SETD7: variants seen among roughly 807,000 people sequenced by gnomAD.
SETD7 encodes histone-lysine N-methyltransferase SETD7.
A neutral mutation model predicts 41.8 loss-of-function variants in SETD7; 16 were observed. That is an observed-to-expected ratio of 0.38 (90% confidence interval 0.26 to 0.58). The LOEUF is 0.58. SETD7 is among the 20% of genes least tolerant of loss of function. SETD7 has a pLI of 0.64. For missense variants in SETD7, 346 were observed against 459.7 expected (o/e 0.75, Z 2.26); for synonymous variants, 163 against 169.7 (o/e 0.96, Z 0.31).
At chr4:139,544,668 C>T (rs1247575499) in intron 2 of SETD7, among the ~76,000 whole-genome samples, 1 of 152,118 alleles carries the variant, frequency 6.6e-6, no homozygotes, top group African/African-American at 2.4e-5. Flanking sequence ...TTAGTCTAGC[C>T]CATCAGTACT....
chr4:139,502,615 C>T (rs114694048), downstream of SETD7, among the ~76,000 whole-genome samples: 314 of 152,272 alleles, frequency 2.1e-3, no homozygotes, highest in Non-Finnish European at 3.1e-3. Flanking sequence ...TAGTCGAAAG[C>T]CCAGCGTCAC....
Position 139,511,835 on chromosome 4 carries a change from T to A in SETD7, c.929A>T (p.His310Leu). ...TPNCIYDMFV[H>L]PRFGPIKCIR... ...GCATTTGATGGGCCCAAAACGGGGG[T>A]GGACAAACCTAAACATCAAGATGCA... The change falls in exon 8 of 8, where the codon CAC becomes CTC. Residue 310 changes from histidine to leucine, a missense_variant. His to Leu is a moderately conservative substitution (Grantham distance 99). This residue lies in a region of SETD7 where 75 missense variants were observed against 65.5 expected (regional missense o/e 1.14). Transcript: ENST00000274031. The A allele has an allele frequency of 6.2e-7, 1 of 1,611,280 alleles. No homozygotes were observed. Among genetic ancestry groups the A allele is most frequent in the Non-Finnish European group, 8.5e-7 (1 of 1,178,906 alleles).
chr4:139,511,720 T>C lies in SETD7; in HGVS notation c.1044A>G (p.Glu348=), dbSNP rs1455632271. Residue 348 remains glutamate, a synonymous_variant, in exon 8 of 8, where the codon GAA becomes GAG. Coordinates refer to ENST00000274031, the MANE Select transcript of SETD7 (RefSeq NM_030648.4). ...DHSPPGKSGP[E]APEWYQVELK... ...GCTCCACCTGGTACCACTCAGGGGC[T>C]TCAGGCCCACTCTTCCCGGGGGGGC... 1 of 1,614,162 alleles carries C rather than the reference T, an allele frequency of 6.2e-7. No homozygotes were observed.
downstream of SETD7, among the ~76,000 whole-genome samples, chr4:139,504,804 G>T (rs1726662363): frequency 6.6e-6 from 1 of 151,862 alleles, no homozygotes. Flanking sequence ...ACAACATTTG[G>T]GCCCAAATCA....
chr4:139,501,939 G>A (rs929654339), downstream of SETD7, among the ~76,000 whole-genome samples: 1 of 152,214 alleles, frequency 6.6e-6, no homozygotes, highest in Admixed American at 6.5e-5. Flanking sequence ...TGGAAAGGTG[G>A]CATCCCAGAG....
downstream of SETD7, among the ~76,000 whole-genome samples, chr4:139,502,378 T>C (rs1726599110): frequency 6.6e-6 from 1 of 152,164 alleles, no homozygotes; most frequent in Admixed American, 6.6e-5. Flanking sequence ...AGGAGAATGT[T>C]GCAGTTTAAG....
At chr4:139,502,202 G>T (rs1385193383), downstream of SETD7, among the ~76,000 whole-genome samples, 1 of 152,132 alleles carries the variant, frequency 6.6e-6, no homozygotes, top group Non-Finnish European at 1.5e-5. Context: ...CAAATGTTAA[G>T]GATATGTTAG....
exon 8 of SETD7, chr4:139,496,450 A>G (rs754826740): frequency 1.4e-5 from 10 of 702,472 alleles, no homozygotes; most frequent in South Asian, 1.3e-4. Flanking sequence ...CGCTTGATCC[A>G]GATGTGGGAT....
At chr4:139,542,554 C>A (rs2646040) in intron 2 of SETD7, among the ~76,000 whole-genome samples, 2 of 151,802 alleles carry the variant, frequency 1.3e-5, no homozygotes, top group South Asian at 4.2e-4. Context: ...TTTAAAAATG[C>A]CTATTTCTAT....
chr4:139,546,823 G>A (rs900499766), intron 2 of SETD7, 97 bp downstream of exon 2: 10 of 1,530,734 alleles, frequency 6.5e-6, no homozygotes, highest in Middle Eastern at 1.7e-4. Flanking sequence ...TGAATAAATT[G>A]TAGAAAAACT....
chr4:139,525,379 T>A (rs1727299396), intron 4 of SETD7, among the ~76,000 whole-genome samples: 1 of 152,248 alleles, frequency 6.6e-6, no homozygotes, highest in Non-Finnish European at 1.5e-5. Flanking sequence ...TGCAGGCACA[T>A]CCTTTACTTT....
Position 139,509,982 on chromosome 4 carries a change from G to C in SETD7, c.*1681C>G, listed in dbSNP as rs760053687. On this transcript the variant is annotated 3_prime_UTR_variant, in exon 8 of 8. Transcript: ENST00000274031. ...AGCCTGGTGTTGCAAAGAAGGGAAGGGCAACTCTGTCAATGTGCCCAAGGG... is the reference window on the plus strand; with the variant it reads ...AGCCTGGTGTTGCAAAGAAGGGAAGCGCAACTCTGTCAATGTGCCCAAGGG... 18 of 707,426 alleles carry C rather than the reference G, an allele frequency of 2.5e-5. No homozygotes were observed. Among genetic ancestry groups the C allele is most frequent in the Non-Finnish European group, 3.1e-5 (18 of 576,230 alleles). The allele number at this position is 707,426 out of a possible 1,614,324, so 43.8% of individuals were successfully genotyped here.
At position 139,555,184 on chromosome 4, in the gene SETD7, A is replaced by G. The variant is rs1201636393; in HGVS notation, c.40+914T>C. Among the ~76,000 whole-genome samples, 6 of 99,838 alleles carry G rather than the reference A, an allele frequency of 6.0e-5. No homozygotes were observed. The highest frequency in any genetic ancestry group is 5.6e-4 in the East Asian group (2 of 3,596). The allele number at this position is 99,838 out of a possible 152,430, so 65.5% of individuals were successfully genotyped here. A position where few individuals can be genotyped will look rare whatever the true frequency, so the allele number is the denominator to read the frequency against. On this transcript the variant is annotated intron_variant, in intron 1 of 7. Transcript: ENST00000274031. This position sits in a 1 kb window ranked among gnomAD's most constrained non-coding sequence, Gnocchi z 4.0. ...CCACATCGTTTTTTCAGAACTAACA[A>G]AAAAAAAAAAAAAAAGGTGGAGAAA...
chr4:139,553,582 T>C (rs1728172215), intron 1 of SETD7, among the ~76,000 whole-genome samples: 1 of 152,234 alleles, frequency 6.6e-6, no homozygotes, highest in Non-Finnish European at 1.5e-5. Flanking sequence ...TGTTCTTGGA[T>C]TAGTCCTTAA....
rs760775907 is a variant in SETD7, at chr4:139,496,345, A to C, written c.*8T>G. The C allele has an allele frequency of 1.9e-5, 13 of 701,138 alleles. No homozygotes were observed. The South Asian group carries it at 1.9e-4, about 10-fold the overall frequency. The allele number at this position is 701,138 out of a possible 1,614,324, so 43.4% of individuals were successfully genotyped here. A position where few individuals can be genotyped will look rare whatever the true frequency, so the allele number is the denominator to read the frequency against. ...GGCAGAGTTCATTCCATTCGCTTTT[A>C]TCTTTTCTTAATTACTCACGAACAT... On this transcript the variant is annotated 3_prime_UTR_variant, in exon 8 of 8. Transcript: ENST00000506866.
At chr4:139,502,942 A>G (rs1208140603), downstream of SETD7, among the ~76,000 whole-genome samples, 1 of 151,938 alleles carries the variant, frequency 6.6e-6, no homozygotes, top group Non-Finnish European at 1.5e-5. Flanking sequence ...TAACATTTTG[A>G]GAGACTGAGG....
At chr4:139,523,293 A>C in intron 5 of SETD7, 61 bp downstream of exon 5, 1 of 1,278,030 alleles carries the variant, frequency 7.8e-7, no homozygotes, top group Admixed American at 1.8e-5. Context: ...ATAAGTTCCT[A>C]CCACTAGGCT....
chr4:139,500,190 G>A (rs992558473), intron 7 of SETD7, among the ~76,000 whole-genome samples: 4 of 152,114 alleles, frequency 2.6e-5, no homozygotes, highest in Admixed American at 1.3e-4. Context: ...TGAATAATCA[G>A]TGAAATGCCT....
chr4:139,503,421 A>G (rs1395652471), downstream of SETD7, among the ~76,000 whole-genome samples: 1 of 151,852 alleles, frequency 6.6e-6, no homozygotes, highest in Non-Finnish European at 1.5e-5. Context: ...CCGGCTTCAG[A>G]CTCTGCCTCT....
Sources: allele counts gnomAD v4.1 joint callset (sites outside exome capture counted in the v4.1 genomes callset), GRCh38; gene constraint gnomAD v4.1.1; regional missense constraint gnomAD v4.1.1; non-coding constraint Gnocchi (gnomAD v3.1); transcripts MANE v1.5; gene names NCBI Gene and HGNC (gene_info 2026-07-23, HGNC 2026-07-21).